The following FNTB variants were observed in gnomAD, a reference collection of about 807,000 sequenced individuals.
The protein encoded by FNTB is farnesyltransferase, CAAX box, subunit beta, also known as protein farnesyltransferase subunit beta.
FNTB carries 27 observed loss-of-function variants against 59.4 expected under a neutral mutation model. That is an observed-to-expected ratio of 0.45 (90% CI 0.34 to 0.63). The LOEUF is 0.63. Ranked by LOEUF, FNTB falls within the 20% of genes least tolerant of loss-of-function variation. The pLI is 0.02. For synonymous variants in FNTB, 230 were observed against 220.7 expected, an observed-to-expected ratio of 1.04 and a Z score of -0.37; for missense variants, 449 against 559.6, an observed-to-expected ratio of 0.80 and a Z score of 1.99.
Position 65,054,440 on chromosome 14 carries a change from A to C in FNTB, c.1068-135A>C, listed in dbSNP as rs73270847. ...GGCTTTAAATAACACTGCTGGGAAA[A>C]CCATGCCTCCTCTAGCCACATGGAG... On this transcript the variant is annotated intron_variant, in intron 10 of 11. Transcript: ENST00000246166. This position sits in a 1 kb window ranked among gnomAD's most constrained non-coding sequence, Gnocchi z 4.4. 0.063 allele frequency: 54,115 copies of C among 857,616 alleles called. 4,312 individuals are homozygous for C. Among genetic ancestry groups the C allele is most frequent in the African/African-American group, 0.34 (20,119 of 59,002 alleles). The allele number at this position is 857,616 out of a possible 1,614,324, so 53.1% of individuals were successfully genotyped here. A position where few individuals can be genotyped will look rare whatever the true frequency, so the allele number is the denominator to read the frequency against.
intron 1 of FNTB, chr14:65,003,633 T>G (rs2061542476): frequency 1.3e-5 from 2 of 152,164 alleles, no homozygotes; most frequent in Admixed American, 6.5e-5. Flanking sequence ...CAGAGAAGAT[T>G]GTGGGCGAAG....
At position 65,026,462 on chromosome 14, in the gene FNTB, G is replaced by A. The variant is rs139609533; in HGVS notation, c.375-991G>A. Among the ~76,000 whole-genome samples, 341 of 152,252 alleles carry A rather than the reference G, an allele frequency of 2.2e-3. 2 individuals are homozygous for A. Among genetic ancestry groups the A allele is most frequent in the African/African-American group, 7.8e-3 (325 of 41,540 alleles). ...CCCGCAGACTGGGAGGCATTCTCACGGCGAGTCAGTGCAGCTCCTCTTATG... is the reference window on the plus strand; with the variant it reads ...CCCGCAGACTGGGAGGCATTCTCACAGCGAGTCAGTGCAGCTCCTCTTATG... On this transcript the variant is annotated intron_variant, in intron 4 of 11. Transcript: ENST00000246166.
intron 7 of FNTB, among the ~76,000 whole-genome samples, chr14:65,037,070 A>C: frequency 6.6e-6 from 1 of 150,820 alleles, no homozygotes; most frequent in Non-Finnish European, 1.5e-5. Context: ...TATTTCTTTG[A>C]TAATTTCTTC....
At position 65,032,589 on chromosome 14, in the gene FNTB, T is replaced by C. The variant is rs780351419; in HGVS notation, c.606-21T>C. 1.4e-5 allele frequency: 23 copies of C among 1,611,714 alleles called. No individual in the cohort carries two copies. The highest frequency in any genetic ancestry group is 1.7e-6 in the Non-Finnish European group (2 of 1,179,560). On this transcript the variant is annotated intron_variant, in intron 6 of 11. Transcript: ENST00000246166. The surrounding 1 kb of genome is among the most constrained non-coding windows in gnomAD (Gnocchi z 5.0). ...AGCTCTTCCGTAGAGCTTAATGTGT[T>C]TCCCGTTTCTGTCTTTCCAGAAGCG... is the stretch of plus-strand genomic sequence containing the variant.
chr14:65,014,971 G>A lies in FNTB; in HGVS notation c.283-654G>A, dbSNP rs1184568385. Among the ~76,000 whole-genome samples, 1 of 152,024 alleles carries A rather than the reference G, an allele frequency of 6.6e-6. No individual in the cohort carries two copies. Among genetic ancestry groups the A allele is most frequent in the African/African-American group, 2.4e-5 (1 of 41,422 alleles). ...ATGTATATCTCCTTGGTTCTATACC[G>A]AGAAAATAGCAGCCCCTAACCTCCT... On this transcript the variant is annotated intron_variant, in intron 3 of 11. Coordinates refer to ENST00000246166, the MANE Select transcript of FNTB (RefSeq NM_002028.4). The surrounding 1 kb of genome is among the most constrained non-coding windows in gnomAD (Gnocchi z 5.1).
In FNTB at chr14:65,011,462, A is replaced by G. The variant is rs973466478; in HGVS notation, c.210-855A>G. Among the ~76,000 whole-genome samples, 52 of 151,262 alleles carry G rather than the reference A, an allele frequency of 3.4e-4. No homozygotes were observed. Among genetic ancestry groups the G allele is most frequent in the Admixed American group, 1.8e-3 (28 of 15,192 alleles). ...AAAAAAAAAAAAAAAAGACTGCATG[A>G]AGGCTCTTACTCTGAGCCAAGTACA... On this transcript the variant is annotated intron_variant, in intron 2 of 11. Coordinates refer to ENST00000246166, the MANE Select transcript of FNTB (RefSeq NM_002028.4). The surrounding 1 kb of genome is among the most constrained non-coding windows in gnomAD (Gnocchi z 4.0).
In FNTB at chr14:65,044,593, G is replaced by A. The variant is rs2062433419; in HGVS notation, c.955+150G>A. 1.7e-6 allele frequency: 2 copies of A among 1,174,720 alleles called. No individual in the cohort carries two copies. Among genetic ancestry groups the A allele is most frequent in the Non-Finnish European group, 2.3e-6 (2 of 872,240 alleles). The allele number at this position is 1,174,720 out of a possible 1,614,324, so 72.8% of individuals were successfully genotyped here. On this transcript the variant is annotated intron_variant, in intron 9 of 11. Coordinates refer to ENST00000246166, the MANE Select transcript of FNTB (RefSeq NM_002028.4). The surrounding 1 kb of genome is among the most constrained non-coding windows in gnomAD (Gnocchi z 5.5). ...CCCAGTGTGGAACCTCATGCCGTGGGGCATGCGAATGCAGAGTAAGATTTA... is the reference window on the plus strand; with the variant it reads ...CCCAGTGTGGAACCTCATGCCGTGGAGCATGCGAATGCAGAGTAAGATTTA...
At chr14:65,052,310 T>C (rs955975552) in intron 9 of FNTB, among the ~76,000 whole-genome samples, 1 of 152,150 alleles carries the variant, frequency 6.6e-6, no homozygotes, top group African/African-American at 2.4e-5. Context: ...GAAAAACGCA[T>C]AGAACCAAAA....
At position 65,001,109 on chromosome 14, in the gene FNTB, A is replaced by G. The variant is rs1357193850; in HGVS notation, c.145-3140A>G. 2.6e-5 allele frequency among the ~76,000 whole-genome samples: 4 copies of G among 152,174 alleles called. No homozygotes were observed. Among genetic ancestry groups the G allele is most frequent in the African/African-American group, 7.2e-5 (3 of 41,426 alleles). ...GCCTGATAAATTTTGCATACCTCACATAACTCAGACTGCTCTGAGCTATTT... is the reference window on the plus strand; with the variant it reads ...GCCTGATAAATTTTGCATACCTCACGTAACTCAGACTGCTCTGAGCTATTT... On this transcript the variant is annotated intron_variant, in intron 1 of 11. Coordinates refer to ENST00000246166, the MANE Select transcript of FNTB (RefSeq NM_002028.4). The surrounding 1 kb of genome is among the most constrained non-coding windows in gnomAD (Gnocchi z 5.5).
rs1455133310 is a variant in FNTB, at chr14:65,011,417, A to G, written c.210-900A>G. Among the ~76,000 whole-genome samples the G allele has an allele frequency of 7.0e-6, 1 of 142,118 alleles. No homozygotes were observed. The highest frequency in any genetic ancestry group is 2.7e-5 in the African/African-American group (1 of 37,620). 93.2% of individuals were successfully genotyped at this position (142,118 alleles called of 152,430 possible). A position where few individuals can be genotyped will look rare whatever the true frequency, so the allele number is the denominator to read the frequency against. On this transcript the variant is annotated intron_variant, in intron 2 of 11. Transcript: ENST00000246166. The surrounding 1 kb of genome is among the most constrained non-coding windows in gnomAD (Gnocchi z 4.0). ...GCACTCCAGCCTGGGTGACAGAGCGAGACTCCGTCTCAGGAAAAAAAAAAA... is the reference window on the plus strand; with the variant it reads ...GCACTCCAGCCTGGGTGACAGAGCGGGACTCCGTCTCAGGAAAAAAAAAAA...
In FNTB at chr14:65,044,276, G is replaced by T. The variant is rs1443570422; in HGVS notation, c.823-35G>T. 1.9e-6 allele frequency: 3 copies of T among 1,609,802 alleles called. No individual in the cohort carries two copies. The highest frequency in any genetic ancestry group is 2.5e-6 in the Non-Finnish European group (3 of 1,178,356). Reference sequence around the variant, plus strand: ...GTCGGGCTGGATTTTGTCTCTTTTAGCCTACAACTGCCTTTCCCATCTGTG... The same window carrying T: ...GTCGGGCTGGATTTTGTCTCTTTTATCCTACAACTGCCTTTCCCATCTGTG... On this transcript the variant is annotated intron_variant, in intron 8 of 11. Coordinates refer to ENST00000246166, the MANE Select transcript of FNTB (RefSeq NM_002028.4). The surrounding 1 kb of genome is among the most constrained non-coding windows in gnomAD (Gnocchi z 5.5).
At chr14:65,045,142 T>G (rs1266557578) in intron 9 of FNTB, among the ~76,000 whole-genome samples, 1 of 152,090 alleles carries the variant, frequency 6.6e-6, no homozygotes, top group Non-Finnish European at 1.5e-5. Context: ...CTCTATCTCT[T>G]GAAACCTCAG....
chr14:65,029,103 C>G lies in FNTB; in HGVS notation c.605+1322C>G, dbSNP rs2062034770. Among the ~76,000 whole-genome samples, 1 of 152,186 alleles carries G rather than the reference C, an allele frequency of 6.6e-6. No individual in the cohort carries two copies. Among genetic ancestry groups the G allele is most frequent in the Non-Finnish European group, 1.5e-5 (1 of 68,046 alleles). On this transcript the variant is annotated intron_variant, in intron 6 of 11. Transcript: ENST00000246166. This position sits in a 1 kb window ranked among gnomAD's most constrained non-coding sequence, Gnocchi z 4.7. The stretch of plus-strand genomic sequence containing the variant: ...GGCAGCTTGGTTCCCCTGCCAAGCA[C>G]TGTAGCCATATTCTTCCCTGACCTT...
chr14:65,052,436 T>A (rs73270842), intron 9 of FNTB, among the ~76,000 whole-genome samples: 2 of 152,176 alleles, frequency 1.3e-5, no homozygotes, highest in Non-Finnish European at 2.9e-5. Context: ...AAATATAAAA[T>A]TGACCAAGGA....
rs906688232 is a variant in FNTB, at chr14:64,991,288, A to G, written c.144+4191A>G. Among the ~76,000 whole-genome samples the G allele has an allele frequency of 1.3e-5, 2 of 152,194 alleles. No individual in the cohort carries two copies. The highest frequency in any genetic ancestry group is 6.5e-5 in the Admixed American group (1 of 15,278). On this transcript the variant is annotated intron_variant, in intron 1 of 11. Coordinates refer to ENST00000246166, the MANE Select transcript of FNTB (RefSeq NM_002028.4). This position sits in a 1 kb window ranked among gnomAD's most constrained non-coding sequence, Gnocchi z 4.4. Reference sequence around the variant, plus strand: ...TGATCCCTGCCCTCAAAATTCTTTTATCTTAGAGAGATAAAAAAGAATATG... The same window carrying G: ...TGATCCCTGCCCTCAAAATTCTTTTGTCTTAGAGAGATAAAAAAGAATATG...
chr14:65,036,923 C>A (rs1185161675), intron 7 of FNTB, among the ~76,000 whole-genome samples: 1 of 152,072 alleles, frequency 6.6e-6, no homozygotes, highest in Non-Finnish European at 1.5e-5. Flanking sequence ...CAGACATGAG[C>A]CACCTCGCCT....
At chr14:65,038,811 T>C (rs902858239) in intron 7 of FNTB, among the ~76,000 whole-genome samples, 5 of 152,212 alleles carry the variant, frequency 3.3e-5, no homozygotes, top group Non-Finnish European at 7.3e-5. Context: ...TCTCTTAGTA[T>C]TTATCTTCTA....
intron 1 of FNTB, 32 bp from the exon 2 acceptor site, chr14:65,004,217 T>A: frequency 1.2e-6 from 2 of 1,605,936 alleles, no homozygotes; most frequent in Non-Finnish European, 1.7e-6. Flanking sequence ...CTGTATTTGT[T>A]TTCTCTCTCC....
chr14:65,060,903 A>T (rs1434338679), intron 11 of FNTB, among the ~76,000 whole-genome samples: 1 of 148,318 alleles, frequency 6.7e-6, no homozygotes, highest in Non-Finnish European at 1.5e-5. Flanking sequence ...AAACAGTTTG[A>T]GATAGTATTG....
Sources: gnomAD v4.1 joint callset for allele counts (sites outside exome capture counted in the v4.1 genomes callset) on GRCh38, gnomAD v4.1.1 for gene constraint, Gnocchi (gnomAD v3.1) non-coding constraint, MANE v1.5 for transcripts, NCBI Gene and HGNC (gene_info 2026-07-23, HGNC 2026-07-21) for gene names.